DEFB121: variants seen among roughly 807,000 people sequenced by gnomAD.
DEFB121 encodes beta-defensin 121.
A neutral mutation model predicts 2.5 loss-of-function variants in DEFB121; 5 were observed. The observed-to-expected ratio is 1.96, with a 90% CI of 1.03 to 4.13. DEFB121 has a LOEUF of 4.13. Among genes scored for constraint, DEFB121 ranks in the 30% most tolerant of loss-of-function variants. The pLI is 0.00. For missense variants in DEFB121, 87 were observed against 85.0 expected, an observed-to-expected ratio of 1.02 and a Z score of -0.09; for synonymous variants, 39 against 32.6, an observed-to-expected ratio of 1.20 and a Z score of -0.67.
At chr20:31,413,663 C>T (rs1331112614), upstream of DEFB121, among the ~76,000 whole-genome samples, 1 of 146,566 alleles carries the variant, frequency 6.8e-6, no homozygotes, top group Non-Finnish European at 1.5e-5. Context: ...CCATTATATG[C>T]CCTGGCCTTG....
chr20:31,413,725 C>T (rs1197068273), upstream of DEFB121, among the ~76,000 whole-genome samples: 1 of 152,152 alleles, frequency 6.6e-6, no homozygotes, highest in Non-Finnish European at 1.5e-5. Context: ...AGTGACATGG[C>T]TCCATCCAAC....
At chr20:31,412,810 T>G in exon 1 of DEFB121, 2 of 521,318 alleles carry the variant, frequency 3.8e-6, no homozygotes, top group South Asian at 3.7e-5. Flanking sequence ...CCCAGAGGGC[T>G]CACCCAGAGT....
upstream of DEFB121, among the ~76,000 whole-genome samples, chr20:31,414,827 G>T (rs745561416): frequency 6.6e-6 from 1 of 152,160 alleles, no homozygotes; most frequent in Non-Finnish European, 1.5e-5. Context: ...GAGGCAGGAG[G>T]ATCCCTTGAG....
upstream of DEFB121, among the ~76,000 whole-genome samples, chr20:31,417,805 A>T (rs1239753397): frequency 7.9e-5 from 12 of 152,048 alleles, no homozygotes; most frequent in African/African-American, 2.9e-4. Flanking sequence ...TCTACTAAAA[A>T]TACAAAAATT....
At chr20:31,409,565 A>C (rs1978599434), upstream of DEFB121, among the ~76,000 whole-genome samples, 1 of 152,200 alleles carries the variant, frequency 6.6e-6, no homozygotes, top group Middle Eastern at 3.4e-3. Context: ...ACATGGTGAA[A>C]CCCTGTCTCT....
At position 31,405,005 on chromosome 20, in the gene DEFB121, C is replaced by T; in HGVS notation, c.139G>A (p.Glu47Lys). The change falls in exon 2 of 2, where the codon GAG becomes AAG. Residue 47 changes from glutamate (E) to lysine (K), a missense_variant. Coordinates refer to ENST00000376314, the MANE Select transcript of DEFB121 (RefSeq NM_001011878.3). ...TTGGGATCCACACAGCACTTAGCCT[C>T]AGTTTTGCATAATATATAGTATACT... is the stretch of plus-strand genomic sequence containing the variant. Reference protein sequence around the residue: ...SEVYYILCKTEAKCCVDPKYV... With the variant: ...SEVYYILCKTKAKCCVDPKYV... 6.2e-7 allele frequency: 1 copy of T among 1,613,984 alleles called. No homozygotes were observed. The highest frequency in any genetic ancestry group is 8.5e-7 in the Non-Finnish European group (1 of 1,179,964).
At chr20:31,417,929 C>T in the DEFB121 span, among the ~76,000 whole-genome samples, 2 of 151,460 alleles carry the variant, frequency 1.3e-5, no homozygotes, top group Non-Finnish European at 2.9e-5. Context: ...TGCCATTGCA[C>T]TTCAGCCTGG....
At chr20:31,416,313 G>A (rs967160523), upstream of DEFB121, among the ~76,000 whole-genome samples, 1 of 152,132 alleles carries the variant, frequency 6.6e-6, no homozygotes, top group African/African-American at 2.4e-5. Context: ...TGCCCGCTTT[G>A]GCCTCCCAAA....
At chr20:31,405,464 C>A (rs1313599326) in intron 1 of DEFB121, among the ~76,000 whole-genome samples, 2 of 152,180 alleles carry the variant, frequency 1.3e-5, no homozygotes, top group Non-Finnish European at 2.9e-5. Context: ...TTCTTTGGTA[C>A]CCCCTCTGAC....
At position 31,404,947 on chromosome 20, in the gene DEFB121, G is replaced by T. The variant is rs955008123; in HGVS notation, c.197C>A (p.Thr66Lys). The change falls in exon 2 of 2, where the codon ACA becomes AAA. Residue 66 changes from threonine to lysine, a missense_variant. By Grantham distance (78) the Thr-to-Lys change is moderately conservative. Transcript: ENST00000376314. ...YVPVKPKLTD[T>K]NTSLESTSAV ...AGAAGTTGATTCCAGGCTTGTATTT[G>T]TGTCTGTTAATTTTGGTTTTACAGG... is the stretch of plus-strand genomic sequence containing the variant. 2 of 1,613,990 alleles carry T rather than the reference G, an allele frequency of 1.2e-6. No individual in the cohort carries two copies. The highest frequency in any genetic ancestry group is 2.2e-5 in the South Asian group (2 of 91,012).
chr20:31,412,824 G>A (rs1246192764), exon 1 of DEFB121: 3 of 441,810 alleles, frequency 6.8e-6, no homozygotes, highest in South Asian at 2.0e-5. Flanking sequence ...CCAGAGTCGA[G>A]GCTCAAGGAC....
chr20:31,413,320 T>C (rs1978712581), upstream of DEFB121, among the ~76,000 whole-genome samples: 2 of 152,328 alleles, frequency 1.3e-5, no homozygotes, highest in Non-Finnish European at 2.9e-5. Flanking sequence ...AAATGTTTTC[T>C]AAATAAATCA....
upstream of DEFB121, among the ~76,000 whole-genome samples, chr20:31,410,703 G>C (rs1241611290): frequency 1.3e-5 from 2 of 152,128 alleles, no homozygotes; most frequent in Admixed American, 6.5e-5. Context: ...CTTCCAGAAG[G>C]GACTGCAGAG....
Position 31,404,927 on chromosome 20 carries a change from T to G in DEFB121, c.217A>C (p.Thr73Pro). 4 of 1,614,048 alleles carry G rather than the reference T, an allele frequency of 2.5e-6. No homozygotes were observed. Among genetic ancestry groups the G allele is most frequent in the Non-Finnish European group, 3.4e-6 (4 of 1,180,002 alleles). ...LTDTNTSLES[T>P]SAV Reference sequence around the variant, plus strand: ...GAAGAGAGGTGTCAGACTGCAGAAGTTGATTCCAGGCTTGTATTTGTGTCT... The same window carrying G: ...GAAGAGAGGTGTCAGACTGCAGAAGGTGATTCCAGGCTTGTATTTGTGTCT... Residue 73 changes from threonine to proline, a missense_variant, in exon 2 of 2, where the codon ACT (threonine) becomes CCT (proline). Transcript: ENST00000376314.
chr20:31,404,850 A>C lies in DEFB121; in HGVS notation c.*63T>G, dbSNP rs773171425. ...TATCAGACAGAAACAGGGTGTTGCCAAGAATGATTTAATAGAACTGCAGGA... is the reference window on the plus strand; with the variant it reads ...TATCAGACAGAAACAGGGTGTTGCCCAGAATGATTTAATAGAACTGCAGGA... On this transcript the variant is annotated 3_prime_UTR_variant, in exon 2 of 2. Transcript: ENST00000376314. The C allele has an allele frequency of 2.3e-5, 37 of 1,578,346 alleles. No individual in the cohort carries two copies. Among genetic ancestry groups the C allele is most frequent in the Non-Finnish European group, 2.8e-5 (33 of 1,160,828 alleles).
chr20:31,415,598 A>C (rs551556788), upstream of DEFB121, among the ~76,000 whole-genome samples: 26 of 152,178 alleles, frequency 1.7e-4, no homozygotes, highest in South Asian at 5.4e-3. Context: ...GGTCAGGCAG[A>C]ATGTCCACAT....
exon 1 of DEFB121, chr20:31,412,685 T>G (rs1221819987): frequency 7.7e-7 from 1 of 1,290,852 alleles, no homozygotes; most frequent in East Asian, 5.5e-5. Context: ...CTTCTGGCTT[T>G]TCATTGTCAA....
chr20:31,414,527 A>G (rs1978750822), upstream of DEFB121, among the ~76,000 whole-genome samples: 1 of 152,246 alleles, frequency 6.6e-6, no homozygotes, highest in African/African-American at 2.4e-5. Context: ...CTTTAAAAAT[A>G]AGGGAATTCT....
upstream of DEFB121, among the ~76,000 whole-genome samples, chr20:31,410,100 TC>T (rs1173781229): frequency 6.6e-6 from 1 of 152,116 alleles, no homozygotes; most frequent in Non-Finnish European, 1.5e-5. Context: ...AGCAACAGAA[TC>T]CGATAAATAA....
Sources: gnomAD v4.1 joint callset for allele counts (sites outside exome capture counted in the v4.1 genomes callset) on GRCh38, gnomAD v4.1.1 for gene constraint, MANE v1.5 for transcripts, NCBI Gene and HGNC (gene_info 2026-07-23, HGNC 2026-07-21) for gene names.